The following INAVA variants were observed in gnomAD, a reference collection of about 807,000 sequenced individuals.
The protein encoded by INAVA is innate immunity activator protein.
Under a neutral mutation model 55.3 loss-of-function variants are expected in INAVA, and 32 were observed. That is an observed-to-expected ratio of 0.58 (90% CI 0.44 to 0.78). The LOEUF is 0.78. Ranked by LOEUF, INAVA falls within the 30% of genes least tolerant of loss-of-function variation. The pLI is 0.00. For synonymous variants in INAVA, 294 were observed against 329.4 expected, an observed-to-expected ratio of 0.89 and a Z score of 1.16; for missense variants, 756 against 786.4, an observed-to-expected ratio of 0.96 and a Z score of 0.46.
rs770814611 is a variant in INAVA, at chr1:200,901,093, C to A, written c.454C>A (p.Arg152Ser). ...QEEKKLQELQRCLVERRRNSE... is the reference protein window; with the variant it reads ...QEEKKLQELQSCLVERRRNSE... Reference sequence around the variant, plus strand: ...GGAGAAGAAGCTGCAGGAGCTCCAGCGCTGCCTGGTCGAGCGGCGGCGCAA... The same window carrying A: ...GGAGAAGAAGCTGCAGGAGCTCCAGAGCTGCCTGGTCGAGCGGCGGCGCAA... The change falls in exon 5 of 10, where the codon CGC becomes AGC. Residue 152 changes from arginine to serine, a missense_variant. Arg to Ser is a moderately radical substitution (Grantham distance 110). This residue lies in a region of INAVA where 639 missense variants were observed against 624.3 expected (regional missense o/e 1.02). Transcript: ENST00000413687. 2 of 1,537,890 alleles carry A rather than the reference C, an allele frequency of 1.3e-6. No homozygotes were observed. The highest frequency in any genetic ancestry group is 1.2e-5 in the South Asian group (1 of 83,878).
At chr1:200,913,160 C>T (rs559718821) in intron 9 of INAVA, among the ~76,000 whole-genome samples, 4 of 152,130 alleles carry the variant, frequency 2.6e-5, no homozygotes, top group South Asian at 2.1e-4. Flanking sequence ...ACCCTGGCCC[C>T]GGTCCGAGGC....
rs183481149 is a variant in INAVA at position 200,913,566 on chromosome 1, G to A, written c.1674G>A (p.Ser558=). The A allele has an allele frequency of 6.3e-5, 102 of 1,614,028 alleles. No homozygotes were observed. The East Asian group carries it at 9.8e-4, about 16-fold the overall frequency. Residue 558 remains serine, a synonymous_variant, in exon 10 of 10, where the codon TCG becomes TCA. Transcript: ENST00000413687. ...CCACAGTTTGTGTGCTGCGGAGATC[G>A]CCTGATGGGGCCCCTGTGCAAGTCT... ...QVPTVCVLRR[S]PDGAPVQVFV...
intron 5 of INAVA, among the ~76,000 whole-genome samples, chr1:200,902,503 C>T (rs994182834): frequency 1.3e-5 from 2 of 152,246 alleles, no homozygotes; most frequent in Non-Finnish European, 2.9e-5. Flanking sequence ...GACCTCTGTC[C>T]GGTTCCAGTG....
intron 1 of INAVA, among the ~76,000 whole-genome samples, chr1:200,895,710 C>A (rs868423625): frequency 1.3e-5 from 2 of 152,140 alleles, no homozygotes. Context: ...TGAGGGTCCG[C>A]TATGTGGCTG....
At chr1:200,900,624 A>C (rs1653206157) in intron 4 of INAVA, among the ~76,000 whole-genome samples, 1 of 152,120 alleles carries the variant, frequency 6.6e-6, no homozygotes, top group Non-Finnish European at 1.5e-5. Context: ...GCAGTTTCCC[A>C]TGGGCCAGCC....
In INAVA at chr1:200,908,799, C is replaced by T. The variant is rs753468104; in HGVS notation, c.644C>T (p.Thr215Ile). ...CCTTCTCGGCCTCTCCCACCCCAAA[C>T]CCTTGAGGGTCTGCAGCCAACAGGA... ...APPSRPLPPQ[T>I]LEGLQPTGPE... is the part of the protein sequence containing the mutation. The change falls in exon 7 of 10, where the codon ACC (threonine) becomes ATC (isoleucine). Residue 215 changes from threonine (T) to isoleucine (I), a missense_variant. By Grantham distance (89) the Thr-to-Ile change is moderately conservative (BLOSUM62 -1). Around this residue, in one of 2 missense-constraint regions of INAVA, gnomAD observed 639 missense variants for 624.3 expected, o/e 1.02. Coordinates refer to ENST00000413687, the MANE Select transcript of INAVA (RefSeq NM_001142569.3). 2.5e-6 allele frequency: 4 copies of T among 1,613,726 alleles called. No individual in the cohort carries two copies. In the Admixed American group the frequency reaches 5.0e-5, roughly 20 times the overall value.
In INAVA at chr1:200,895,030, G is replaced by A; in HGVS notation, c.-152G>A. 1 of 985,686 alleles carries A rather than the reference G, an allele frequency of 1.0e-6. No homozygotes were observed. The highest frequency in any genetic ancestry group is 1.2e-6 in the Non-Finnish European group (1 of 830,150). The allele number at this position is 985,686 out of a possible 1,614,324, so 61.1% of individuals were successfully genotyped here. The stretch of plus-strand genomic sequence containing the variant: ...CTGAGGCGACATGTGAGGGCCCTGA[G>A]CCCCCTGACTGGAAGCAGGGGCTGT... On this transcript the variant is annotated 5_prime_UTR_variant, in exon 1 of 10. Transcript: ENST00000413687.
At chr1:200,903,039 A>G (rs1412378744) in intron 5 of INAVA, 1 of 152,248 alleles carries the variant, frequency 6.6e-6, no homozygotes, top group African/African-American at 2.4e-5. Context: ...CCACTGGCCA[A>G]CTTCAGGCCC....
chr1:200,912,382 TGGA>T (rs1354927165), intron 9 of INAVA, among the ~76,000 whole-genome samples: 1 of 152,164 alleles, frequency 6.6e-6, no homozygotes, highest in Non-Finnish European at 1.5e-5. Flanking sequence ...TATACACTGG[TGGA>T]GATGATCCCC....
intron 8 of INAVA, 36 bp from the exon 9 acceptor site, chr1:200,911,417 C>T (rs1465888757): frequency 1.3e-6 from 2 of 1,566,976 alleles, no homozygotes; most frequent in Non-Finnish European, 1.7e-6. Flanking sequence ...GAGTTTCTGC[C>T]CCCCACACTC....
intron 6 of INAVA, 141 bp from the exon 7 acceptor site, chr1:200,908,589 G>A (rs1558232943): frequency 1.4e-6 from 1 of 706,078 alleles, no homozygotes; most frequent in African/African-American, 1.8e-5. Context: ...TGAGCATCTA[G>A]GGCTGGAGCC....
At chr1:200,894,652 C>CCTCA (rs1668302364), upstream of INAVA, among the ~76,000 whole-genome samples, 1 of 152,118 alleles carries the variant, frequency 6.6e-6, no homozygotes, top group African/African-American at 2.4e-5. Flanking sequence ...CACGCAGGTA[C>CCTCA]CTCACAGCTC....
chr1:200,900,136 C>T lies in INAVA; in HGVS notation c.213C>T (p.Pro71=). 1.9e-6 allele frequency: 3 copies of T among 1,613,898 alleles called. No homozygotes were observed. In the East Asian group the frequency reaches 6.7e-5, roughly 36 times the overall value. ...ELTGTLPAEY[P]LKPGEKAPKV... is the part of the protein sequence containing the mutation. ...CGGGCACCTTGCCAGCGGAGTATCC[C>T]CTCAAACCAGGGGAAAAGGCCCCCA... The change falls in exon 4 of 10, where the codon CCC becomes CCT. Residue 71 remains proline (P), a synonymous_variant. Coordinates refer to ENST00000413687, the MANE Select transcript of INAVA (RefSeq NM_001142569.3).
Position 200,909,270 on chromosome 1 carries a change from T to C in INAVA, c.832T>C (p.Trp278Arg). 1 of 1,608,428 alleles carries C rather than the reference T, an allele frequency of 6.2e-7. No homozygotes were observed. Among genetic ancestry groups the C allele is most frequent in the South Asian group, 1.1e-5 (1 of 90,334 alleles). The change falls in exon 8 of 10, where the codon TGG (tryptophan) becomes CGG (arginine). Residue 278 changes from tryptophan to arginine, a missense_variant. Trp to Arg is a moderately radical substitution (Grantham distance 101). Transcript: ENST00000413687. ...PQDGPSASSL[W>R]LLEPASYHVV... ...GGATGGGCCCAGTGCCTCCAGCCTG[T>C]GGCTTCTGGAGCCTGCCTCCTACCA...
Position 200,899,461 on chromosome 1 carries a change from C to T in INAVA, c.56-12C>T, listed in dbSNP as rs1653132295. On this transcript the variant is annotated splice_polypyrimidine_tract_variant and intron_variant, in intron 2 of 9. Transcript: ENST00000413687. Reference sequence around the variant, plus strand: ...TCAGCCTCCCTGAGCATGTGCCCCCCAACCCTTGCAGGCCCCGACAGCCCG... The same window carrying T: ...TCAGCCTCCCTGAGCATGTGCCCCCTAACCCTTGCAGGCCCCGACAGCCCG... The T allele has an allele frequency of 6.2e-7, 1 of 1,613,922 alleles. No individual in the cohort carries two copies. Among genetic ancestry groups the T allele is most frequent in the Non-Finnish European group, 8.5e-7 (1 of 1,179,950 alleles).
At chr1:200,909,825 G>A (rs777673365) in intron 8 of INAVA, among the ~76,000 whole-genome samples, 2 of 152,096 alleles carry the variant, frequency 1.3e-5, no homozygotes, top group African/African-American at 4.8e-5. Context: ...TTGCCCCTGG[G>A]GAAATATAGG....
chr1:200,902,618 G>A (rs970117151), intron 5 of INAVA, among the ~76,000 whole-genome samples: 2 of 152,254 alleles, frequency 1.3e-5, no homozygotes, highest in Admixed American at 6.5e-5. Context: ...GGACTTGACA[G>A]CAACCTTGAA....
intron 5 of INAVA, among the ~76,000 whole-genome samples, chr1:200,905,101 G>C (rs35730213): frequency 0.21 from 32,464 of 152,022 alleles, 3,846 homozygotes; most frequent in Non-Finnish European, 0.28. Flanking sequence ...AATTCAGTAA[G>C]AGGGGGTCTC....
rs1208115459 is a variant in INAVA at position 200,909,362 on chromosome 1, G to C, written c.924G>C (p.Glu308Asp). ...GCACCAGTGCCCCAGCCACCCCTGA[G>C]ATACAGGGGAGGAGGGGCCAGTCGC... ...QGRTSAPATP[E>D]IQGRRGQSQS... The change falls in exon 8 of 10, where the codon GAG (glutamate) becomes GAC (aspartate). Residue 308 changes from glutamate (E) to aspartate (D), a missense_variant. Glu to Asp is a conservative substitution (Grantham distance 45). Around this residue, in one of 2 missense-constraint regions of INAVA, gnomAD observed 639 missense variants for 624.3 expected, o/e 1.02. Transcript: ENST00000413687. 1 of 1,608,652 alleles carries C rather than the reference G, an allele frequency of 6.2e-7. No individual in the cohort carries two copies. The highest frequency in any genetic ancestry group is 8.5e-7 in the Non-Finnish European group (1 of 1,177,072).
Sources: gnomAD v4.1 joint callset for allele counts (sites outside exome capture counted in the v4.1 genomes callset) on GRCh38, gnomAD v4.1.1 for gene constraint, gnomAD v4.1.1 regional missense constraint, MANE v1.5 for transcripts, NCBI Gene and HGNC (gene_info 2026-07-23, HGNC 2026-07-21) for gene names.